OSBPL10: variants seen among roughly 807,000 people sequenced by gnomAD.
OSBPL10 encodes oxysterol-binding protein-related protein 10.
OSBPL10 carries 49 observed loss-of-function variants against 81.7 expected under a neutral mutation model. The ratio of observed to expected loss-of-function variants is 0.60; its 90% confidence interval spans 0.48 to 0.76. The LOEUF is 0.76. Among genes scored for constraint, OSBPL10 ranks in the 30% least tolerant of loss-of-function variants. The pLI is 0.00. For synonymous variants in OSBPL10, 419 were observed against 383.6 expected, an observed-to-expected ratio of 1.09 and a Z score of -1.08; for missense variants, 923 against 987.8, an observed-to-expected ratio of 0.93 and a Z score of 0.88.
chr3:31,842,703 T>C (rs1442371953), intron 3 of OSBPL10, among the ~76,000 whole-genome samples: 1 of 152,236 alleles, frequency 6.6e-6, no homozygotes, highest in Non-Finnish European at 1.5e-5. Context: ...GTCCAAATTA[T>C]TCATTTTTTA....
intron 2 of OSBPL10, among the ~76,000 whole-genome samples, chr3:32,040,110 A>G (rs922272756): frequency 5.3e-5 from 8 of 152,174 alleles, no homozygotes; most frequent in East Asian, 1.9e-4. Context: ...GTATACTCAG[A>G]GAATTGAAAA....
chr3:31,707,711 A>G (rs1227108737), intron 6 of OSBPL10, among the ~76,000 whole-genome samples: 1 of 152,230 alleles, frequency 6.6e-6, no homozygotes, highest in Non-Finnish European at 1.5e-5. Flanking sequence ...ACTGTCAGGT[A>G]CACAGCAGCA....
intron 4 of OSBPL10, among the ~76,000 whole-genome samples, chr3:31,749,746 C>G (rs562190859): frequency 6.6e-6 from 1 of 152,104 alleles, no homozygotes; most frequent in African/African-American, 2.4e-5. Context: ...ATCCAGGAGG[C>G]AGAGGTTGCA....
intron 2 of OSBPL10, among the ~76,000 whole-genome samples, chr3:32,012,738 A>T (rs2125540318): frequency 6.6e-6 from 1 of 152,330 alleles, no homozygotes; most frequent in South Asian, 2.1e-4. Flanking sequence ...AAATAAAGGG[A>T]TGGAGAAAGA....
upstream of OSBPL10, among the ~76,000 whole-genome samples, chr3:31,984,295 C>T (rs2125513042): frequency 6.6e-6 from 1 of 151,658 alleles, no homozygotes; most frequent in East Asian, 1.9e-4. Context: ...CCACCTCGGC[C>T]TCCCAAAGTG....
chr3:31,827,337 C>T (rs1241858320), intron 4 of OSBPL10, among the ~76,000 whole-genome samples: 1 of 151,872 alleles, frequency 6.6e-6, no homozygotes, highest in Non-Finnish European at 1.5e-5. Flanking sequence ...TATTCATTTA[C>T]AAAATTTAGA....
intron 1 of OSBPL10, among the ~76,000 whole-genome samples, chr3:31,938,940 A>G (rs192073905): frequency 6.6e-6 from 1 of 152,080 alleles, no homozygotes; most frequent in East Asian, 1.9e-4. Flanking sequence ...CCCACCCTCA[A>G]ACTCACCTTC....
At chr3:31,936,484 CAAGA>C (rs557532484) in intron 1 of OSBPL10, among the ~76,000 whole-genome samples, 3 of 152,186 alleles carry the variant, frequency 2.0e-5, no homozygotes, top group Admixed American at 6.5e-5. Context: ...AAAGCTTTCA[CAAGA>C]AAGACATTTA....
At chr3:32,068,539 C>T (rs1268271774) in intron 1 of OSBPL10, among the ~76,000 whole-genome samples, 1 of 152,192 alleles carries the variant, frequency 6.6e-6, no homozygotes, top group African/African-American at 2.4e-5. Context: ...ACCTCTTCAA[C>T]TCTCGCCTGA....
At chr3:31,756,433 A>T (rs1010753593) in intron 4 of OSBPL10, among the ~76,000 whole-genome samples, 1 of 152,160 alleles carries the variant, frequency 6.6e-6, no homozygotes, top group African/African-American at 2.4e-5. Flanking sequence ...TCCCAACAGA[A>T]TCAGACAGTA....
intron 5 of OSBPL10, among the ~76,000 whole-genome samples, chr3:31,739,717 A>ACT (rs977103387): frequency 1.3e-4 from 20 of 152,114 alleles, no homozygotes; most frequent in Non-Finnish European, 2.1e-4. Context: ...CCCAGGCTGG[A>ACT]CTCTTGATCT....
intron 1 of OSBPL10, among the ~76,000 whole-genome samples, chr3:31,963,160 C>CT (rs1477944957): frequency 1.3e-5 from 2 of 152,004 alleles, no homozygotes; most frequent in Non-Finnish European, 2.9e-5. Flanking sequence ...CGTACATCTG[C>CT]TTTATCATGC....
intron 2 of OSBPL10, among the ~76,000 whole-genome samples, chr3:32,036,590 T>C (rs1398756873): frequency 6.6e-6 from 1 of 152,148 alleles, no homozygotes; most frequent in Non-Finnish European, 1.5e-5. Flanking sequence ...AAAGGAGTGA[T>C]AGATAAGGAA....
chr3:31,932,749 C>T (rs1449735203), intron 1 of OSBPL10, among the ~76,000 whole-genome samples: 1 of 151,906 alleles, frequency 6.6e-6, no homozygotes, highest in Non-Finnish European at 1.5e-5. Flanking sequence ...AATTTAACAG[C>T]TTTCATGAAA....
intron 2 of OSBPL10, among the ~76,000 whole-genome samples, chr3:32,005,027 G>A (rs76715508): frequency 0.016 from 2,418 of 152,178 alleles, 29 homozygotes; most frequent in Non-Finnish European, 0.023. Flanking sequence ...GTATCACACC[G>A]TAGATCTTAA....
At chr3:31,753,947 T>C (rs1697801149) in intron 4 of OSBPL10, among the ~76,000 whole-genome samples, 1 of 152,150 alleles carries the variant, frequency 6.6e-6, no homozygotes, top group Non-Finnish European at 1.5e-5. Flanking sequence ...AAATTGTAAG[T>C]TGATATGTGG....
At chr3:31,942,647 T>C (rs1697572886) in intron 1 of OSBPL10, among the ~76,000 whole-genome samples, 1 of 151,996 alleles carries the variant, frequency 6.6e-6, no homozygotes, top group Non-Finnish European at 1.5e-5. Context: ...GCCTGGCATC[T>C]GAAACCTTCA....
intron 1 of OSBPL10, among the ~76,000 whole-genome samples, chr3:31,979,495 G>T (rs1205125378): frequency 6.6e-6 from 1 of 152,110 alleles, no homozygotes. Flanking sequence ...TACAGGAAGA[G>T]ATAACCAAGT....
chr3:31,720,695 TC>T (rs1400312612), intron 6 of OSBPL10, among the ~76,000 whole-genome samples: 3 of 151,668 alleles, frequency 2.0e-5, no homozygotes, highest in Non-Finnish European at 2.9e-5. Flanking sequence ...GCTCAGGAGT[TC>T]GAGACCAGCC....
Sources: gnomAD v4.1 joint callset for allele counts (sites outside exome capture counted in the v4.1 genomes callset) on GRCh38, gnomAD v4.1.1 for gene constraint, MANE v1.5 for transcripts, NCBI Gene and HGNC (gene_info 2026-07-23, HGNC 2026-07-21) for gene names.